Variants in ZNF618 observed in about 807,000 individuals in gnomAD.
The protein encoded by ZNF618 is zinc finger protein 618.
In ZNF618, 34 loss-of-function variants were observed where a neutral mutation model predicts 103.0. The observed-to-expected ratio is 0.33, with a 90% CI of 0.25 to 0.44. ZNF618 has a LOEUF of 0.44. Among genes scored for constraint, ZNF618 ranks in the 20% least tolerant of loss-of-function variants. The pLI is 1.00. For synonymous variants in ZNF618, 551 were observed against 542.2 expected (o/e 1.02, Z -0.23); for missense variants, 1,059 against 1,295.4 (o/e 0.82, Z 2.80).
rs199513354 is a variant in ZNF618, at chr9:114,049,844, C to T, written c.2542C>T (p.Pro848Ser). The T allele has an allele frequency of 6.3e-5, 102 of 1,613,948 alleles. No individual in the cohort carries two copies. The East Asian group carries it at 1.5e-3, about 24-fold the overall frequency. The change falls in exon 15 of 15, where the codon CCC becomes TCC. Residue 848 changes from proline to serine, a missense_variant. Pro to Ser is a moderately conservative substitution (Grantham distance 74). Coordinates refer to ENST00000374126, the MANE Select transcript of ZNF618 (RefSeq NM_001318042.2). ...CTGGGCCGAGGAGGCCGACTTCGAG[C>T]CCGCTGCCAAGAAGCCCCGCTCTGC... Reference protein sequence around the residue: ...ESWAEEADFEPAAKKPRSAAV... With the variant: ...ESWAEEADFESAAKKPRSAAV...
rs557765781 is a variant in ZNF618, at chr9:114,012,665, A to G, written c.755-4030A>G. Among the ~76,000 whole-genome samples the G allele has an allele frequency of 2.6e-5, 4 of 152,352 alleles. No individual in the cohort carries two copies. The South Asian group carries it at 8.3e-4, about 32-fold the overall frequency. ...GGGAAGCAGAAAACGTAAGAACAGAATTAAAACCTACATTCTATGTAGTAA... is the reference window on the plus strand; with the variant it reads ...GGGAAGCAGAAAACGTAAGAACAGAGTTAAAACCTACATTCTATGTAGTAA... On this transcript the variant is annotated intron_variant, in intron 9 of 14. Transcript: ENST00000374126.
chr9:113,881,205 G>C (rs748730398), intron 1 of ZNF618, among the ~76,000 whole-genome samples: 2 of 152,182 alleles, frequency 1.3e-5, no homozygotes, highest in Non-Finnish European at 2.9e-5. Context: ...TGGAGTTAGA[G>C]AGTCTGTGTT....
intron 10 of ZNF618, among the ~76,000 whole-genome samples, chr9:114,023,120 A>T (rs1383453669): frequency 6.6e-6 from 1 of 152,062 alleles, no homozygotes; most frequent in Non-Finnish European, 1.5e-5. Flanking sequence ...ATTCATTTAC[A>T]TTTAATATAC....
At chr9:114,037,448 A>G (rs1000905892) in intron 13 of ZNF618, among the ~76,000 whole-genome samples, 6 of 152,314 alleles carry the variant, frequency 3.9e-5, no homozygotes, top group Admixed American at 2.6e-4. Flanking sequence ...AAGCGTGTCC[A>G]GAGCCACTGT....
intron 2 of ZNF618, among the ~76,000 whole-genome samples, chr9:113,971,577 C>T (rs1468466537): frequency 6.6e-6 from 1 of 152,172 alleles, no homozygotes; most frequent in Admixed American, 6.5e-5. Flanking sequence ...GACAAAGCAC[C>T]ACCCACCCCT....
chr9:113,883,986 C>G (rs78590896), intron 1 of ZNF618, among the ~76,000 whole-genome samples: 2 of 23,334 alleles, frequency 8.6e-5, no homozygotes, highest in East Asian at 2.9e-3. Flanking sequence ...GGCTTGGCCC[C>G]CCCCCCCCCC....
intron 2 of ZNF618, among the ~76,000 whole-genome samples, chr9:113,976,510 C>T (rs1838483229): frequency 1.3e-5 from 2 of 152,178 alleles, no homozygotes; most frequent in South Asian, 4.1e-4. Context: ...AGAACATGCT[C>T]ACCCTTGGCT....
At chr9:113,899,338 T>C (rs1029730549) in intron 1 of ZNF618, among the ~76,000 whole-genome samples, 4 of 152,136 alleles carry the variant, frequency 2.6e-5, no homozygotes, top group Admixed American at 2.6e-4. Context: ...TCCATTCCAC[T>C]TTCTGTCTGT....
intron 1 of ZNF618, among the ~76,000 whole-genome samples, chr9:113,935,365 G>T (rs1310796827): frequency 6.6e-6 from 1 of 152,166 alleles, no homozygotes; most frequent in East Asian, 1.9e-4. Context: ...AGCCGCAGCT[G>T]CCAGCCCAGG....
chr9:113,883,950 T>A (rs1249916451), intron 1 of ZNF618, among the ~76,000 whole-genome samples: 2 of 130,226 alleles, frequency 1.5e-5, no homozygotes, highest in African/African-American at 3.0e-5. Context: ...GGGGGCTCCA[T>A]GCTCTGTTTA....
intron 2 of ZNF618, among the ~76,000 whole-genome samples, chr9:113,985,301 G>A (rs2133222927): frequency 6.6e-6 from 1 of 152,338 alleles, no homozygotes; most frequent in Admixed American, 6.5e-5. Context: ...CAGGCCATCA[G>A]CCAGTCTGCT....
chr9:114,004,922 T>C (rs776641564), intron 6 of ZNF618, among the ~76,000 whole-genome samples: 2 of 152,220 alleles, frequency 1.3e-5, no homozygotes, highest in Non-Finnish European at 2.9e-5. Context: ...AGTACAGTCA[T>C]ACATAGAAGC....
intron 1 of ZNF618, among the ~76,000 whole-genome samples, chr9:113,885,526 A>G (rs1828981270): frequency 6.6e-6 from 1 of 152,130 alleles, no homozygotes; most frequent in South Asian, 2.1e-4. Context: ...TTGCCAGCCC[A>G]GGGTTCAGAA....
At chr9:113,980,200 G>A (rs987902053) in intron 2 of ZNF618, among the ~76,000 whole-genome samples, 2 of 152,070 alleles carry the variant, frequency 1.3e-5, no homozygotes, top group African/African-American at 4.8e-5. Flanking sequence ...TTATTTGATT[G>A]TATTGTCTTA....
At chr9:113,888,393 G>A (rs532996679) in intron 1 of ZNF618, among the ~76,000 whole-genome samples, 1 of 152,264 alleles carries the variant, frequency 6.6e-6, no homozygotes, top group Non-Finnish European at 1.5e-5. Flanking sequence ...ATGAGCCTCA[G>A]CAGACCAGCG....
chr9:114,032,616 T>C, intron 11 of ZNF618, 29 bp from the exon 12 acceptor site: 2 of 1,610,982 alleles, frequency 1.2e-6, no homozygotes, highest in Non-Finnish European at 1.7e-6. Flanking sequence ...TCACCATTGT[T>C]TTCTTTCTCT....
chr9:113,881,602 A>G (rs796616380), intron 1 of ZNF618, among the ~76,000 whole-genome samples: 1 of 152,184 alleles, frequency 6.6e-6, no homozygotes, highest in East Asian at 1.9e-4. Context: ...GACCAGCCAC[A>G]TTTCACCTGT....
At position 114,049,307 on chromosome 9, in the gene ZNF618, G is replaced by A. The variant is rs1437720651; in HGVS notation, c.2005G>A (p.Glu669Lys). The change falls in exon 15 of 15, where the codon GAG becomes AAG. Residue 669 changes from glutamate to lysine, a missense_variant. By Grantham distance (56) the Glu-to-Lys change is moderately conservative. Around this residue, in one of 6 missense-constraint regions of ZNF618, gnomAD observed 272 missense variants for 380.1 expected, o/e 0.72. Coordinates refer to ENST00000374126, the MANE Select transcript of ZNF618 (RefSeq NM_001318042.2). The part of the protein sequence containing the change: ...HEVIELLNVC[E>K]DLAGSTGLAK... ...GGTCATCGAGCTGCTCAACGTGTGC[G>A]AGGACCTGGCGGGCTCCACGGGCCT... 1.1e-5 allele frequency: 17 copies of A among 1,611,840 alleles called. No individual in the cohort carries two copies. Among genetic ancestry groups the A allele is most frequent in the Admixed American group, 3.3e-5 (2 of 59,980 alleles).
chr9:114,026,140 G>A (rs776487985), intron 10 of ZNF618, among the ~76,000 whole-genome samples: 1 of 152,214 alleles, frequency 6.6e-6, no homozygotes, highest in Non-Finnish European at 1.5e-5. Flanking sequence ...AGTACAGTGT[G>A]TAGGACCAAC....
Sources: gnomAD v4.1 joint callset for allele counts (sites outside exome capture counted in the v4.1 genomes callset) on GRCh38, gnomAD v4.1.1 for gene constraint, gnomAD v4.1.1 regional missense constraint, MANE v1.5 for transcripts, NCBI Gene and HGNC (gene_info 2026-07-23, HGNC 2026-07-21) for gene names.